SRP68: variants seen among roughly 807,000 people sequenced by gnomAD.
SRP68 encodes signal recognition particle 68.
A neutral mutation model predicts 82.2 loss-of-function variants in SRP68; 15 were observed. That is an observed-to-expected ratio of 0.18 (90% CI 0.12 to 0.28). The LOEUF is 0.28. SRP68 is among the 10% of genes least tolerant of loss of function. SRP68 has a pLI of 1.00. For synonymous variants in SRP68, 261 were observed against 292.6 expected (o/e 0.89, Z 1.10); for missense variants, 595 against 780.5 (o/e 0.76, Z 2.83).
At chr17:76,045,911 T>C in intron 11 of SRP68, 127 bp downstream of exon 11, 1 of 1,169,006 alleles carries the variant, frequency 8.6e-7, no homozygotes, top group Non-Finnish European at 1.2e-6. Context: ...AAGATCTTTG[T>C]CTCTTCCCAG....
rs2066840063 is a variant in SRP68, at chr17:76,070,236, AAAAC to A, written c.251+138_251+141del. Reference sequence around the variant, plus strand: ...AGACTCCATCTCAAAAAAAAAAAAAAAAACAAAGCAAACAAACAAACAAAAAAAA... The same window carrying A: ...AGACTCCATCTCAAAAAAAAAAAAAAAAAGCAAACAAACAAACAAAAAAAA... On this transcript the variant is annotated intron_variant, in intron 2 of 15. Transcript: ENST00000307877. 1.3e-5 allele frequency: 9 copies of A among 716,362 alleles called. No individual in the cohort carries two copies. In the South Asian group the frequency reaches 1.7e-4, roughly 13 times the overall value. The allele number at this position is 716,362 out of a possible 1,614,324, so 44.4% of individuals were successfully genotyped here.
chr17:76,060,400 A>G lies in SRP68; in HGVS notation c.755-10T>C. 1 of 1,606,752 alleles carries G rather than the reference A, an allele frequency of 6.2e-7. No individual in the cohort carries two copies. The stretch of plus-strand genomic sequence containing the variant: ...ATGGCTGACTGGTCCCCTAAGAGAG[A>G]AAGACAGGAAAATCTTCAAGGGTCT... On this transcript the variant is annotated splice_polypyrimidine_tract_variant and intron_variant, in intron 6 of 15. Coordinates refer to ENST00000307877, the MANE Select transcript of SRP68 (RefSeq NM_014230.4).
At chr17:76,042,005 T>C (rs879408691) in intron 13 of SRP68, among the ~76,000 whole-genome samples, 1 of 152,020 alleles carries the variant, frequency 6.6e-6, no homozygotes, top group Non-Finnish European at 1.5e-5. Flanking sequence ...TGCCTCAGCC[T>C]CCCGAGTAGC....
At chr17:76,069,454 C>G (rs575890918) in intron 2 of SRP68, among the ~76,000 whole-genome samples, 105 of 151,996 alleles carry the variant, frequency 6.9e-4, no homozygotes, top group Non-Finnish European at 1.2e-3. Context: ...TTGGCTCACA[C>G]CCGTAATCCC....
At chr17:76,042,944 G>A (rs1310462683) in intron 13 of SRP68, among the ~76,000 whole-genome samples, 1 of 152,090 alleles carries the variant, frequency 6.6e-6, no homozygotes, top group Non-Finnish European at 1.5e-5. Flanking sequence ...AAATGGCCTG[G>A]GGATCTTGTT....
rs527705424 is a variant in SRP68 at position 76,052,009 on chromosome 17, G to A, written c.979-1483C>T. 5.9e-3 allele frequency among the ~76,000 whole-genome samples: 906 copies of A among 152,304 alleles called. 7 individuals carry two copies. Among genetic ancestry groups the A allele is most frequent in the Non-Finnish European group, 8.5e-3 (576 of 68,026 alleles). On this transcript the variant is annotated intron_variant, in intron 8 of 15. Coordinates refer to ENST00000307877, the MANE Select transcript of SRP68 (RefSeq NM_014230.4). The stretch of plus-strand genomic sequence containing the variant: ...TGTAACCACCGCCTCCTGGGTTCAT[G>A]AGATTCTCCTGCCTCAGCCTCCGGA...
Position 76,059,339 on chromosome 17 carries a change from T to C in SRP68, c.837+969A>G, listed in dbSNP as rs989123964. 2.6e-5 allele frequency among the ~76,000 whole-genome samples: 4 copies of C among 152,028 alleles called. 1 individual carries two copies. Among genetic ancestry groups the C allele is most frequent in the Non-Finnish European group, 1.5e-5 (1 of 67,982 alleles). On this transcript the variant is annotated intron_variant, in intron 7 of 15. Coordinates refer to ENST00000307877, the MANE Select transcript of SRP68 (RefSeq NM_014230.4). ...GCAGGTGGATCACGAGGTTAGGAGATTGAGACTATCCTGGCCAACATGGTG... is the reference window on the plus strand; with the variant it reads ...GCAGGTGGATCACGAGGTTAGGAGACTGAGACTATCCTGGCCAACATGGTG...
intron 3 of SRP68, among the ~76,000 whole-genome samples, chr17:76,065,361 CAGG>C (rs769805473): frequency 4.0e-4 from 58 of 144,502 alleles, no homozygotes; most frequent in Non-Finnish European, 7.7e-4. Context: ...GAGGGTGAGA[CAGG>C]AGTTGTTCAA....
chr17:76,066,455 A>C (rs2066807197), intron 3 of SRP68, among the ~76,000 whole-genome samples: 1 of 103,318 alleles, frequency 9.7e-6, no homozygotes, highest in Non-Finnish European at 1.7e-5. Flanking sequence ...GTCTCAAAAA[A>C]AAAAAAAAAC....
At position 76,067,318 on chromosome 17, in the gene SRP68, G is replaced by C. The variant is rs748641007; in HGVS notation, c.264C>G (p.Ser88=). The C allele has an allele frequency of 1.4e-5, 23 of 1,612,632 alleles. No homozygotes were observed. The highest frequency in any genetic ancestry group is 1.1e-4 in the African/African-American group (8 of 74,814). The part of the protein sequence containing the change: ...GDFQRYRGYC[S]RRQRRLRKTL... ...TTTTTCGAAGACGTCTTTGTCTACG[G>C]GAACAGTAGCCCCTGTAAGAAACCA... Residue 88 remains serine (S), a synonymous_variant, in exon 3 of 16, where the codon TCC becomes TCG. Transcript: ENST00000307877.
intron 3 of SRP68, 37 bp from the exon 4 acceptor site, chr17:76,064,208 C>T (rs777120638): frequency 6.4e-7 from 1 of 1,573,462 alleles, no homozygotes; most frequent in Admixed American, 1.7e-5. Context: ...CAATAAAGGC[C>T]ATCAACAGAC....
At chr17:76,062,322 G>A (rs916433234) in intron 4 of SRP68, among the ~76,000 whole-genome samples, 1 of 147,494 alleles carries the variant, frequency 6.8e-6, no homozygotes, top group African/African-American at 2.5e-5. Context: ...CAGGTGTGGT[G>A]GTGTGCACCT....
chr17:76,068,303 A>T (rs1404326111), intron 2 of SRP68, among the ~76,000 whole-genome samples: 2 of 152,018 alleles, frequency 1.3e-5, no homozygotes, highest in African/African-American at 4.8e-5. Flanking sequence ...GAAAAAAAAA[A>T]AAATTAGCCA....
chr17:76,060,347 C>A lies in SRP68; in HGVS notation c.798G>T (p.Arg266Ser). Residue 266 changes from arginine to serine, a missense_variant, in exon 7 of 16, where the codon AGG becomes AGT. By Grantham distance (110) the Arg-to-Ser change is moderately radical (BLOSUM62 -1). This residue lies in a region of SRP68 where 495 missense variants were observed against 688.6 expected (regional missense o/e 0.72). Coordinates refer to ENST00000307877, the MANE Select transcript of SRP68 (RefSeq NM_014230.4). ...AINELMQMRL[R>S]SGGTEGLLAE... is the part of the protein sequence containing the mutation. ...CCAAGAGACCCTCAGTGCCCCCAGA[C>A]CTCAATCTCATCTGCATGAGTTCAT... 6.2e-7 allele frequency: 1 copy of A among 1,611,822 alleles called. No homozygotes were observed. Among genetic ancestry groups the A allele is most frequent in the Non-Finnish European group, 8.5e-7 (1 of 1,179,658 alleles).
intron 4 of SRP68, among the ~76,000 whole-genome samples, chr17:76,063,516 T>C (rs2066784802): frequency 6.6e-6 from 1 of 151,940 alleles, no homozygotes; most frequent in South Asian, 2.1e-4. Flanking sequence ...AGTGAAACCC[T>C]GTCTCTACTA....
intron 12 of SRP68, 166 bp downstream of exon 12, chr17:76,045,126 C>G (rs1355415002): frequency 6.4e-5 from 38 of 597,592 alleles, no homozygotes; most frequent in Non-Finnish European, 9.5e-5. Flanking sequence ...TGACCACAGC[C>G]TTTAGAAACT....
rs151318558 is a variant in SRP68, at chr17:76,067,224, C to T, written c.358G>A (p.Asp120Asn). 1.7e-3 allele frequency: 2,801 copies of T among 1,611,946 alleles called. 1 individual carries two copies. Among genetic ancestry groups the T allele is most frequent in the Non-Finnish European group, 2.3e-3 (2,673 of 1,178,248 alleles). Residue 120 changes from aspartate (D) to asparagine (N), a missense_variant, in exon 3 of 16, where the codon GAT (aspartate) becomes AAT (asparagine). Physicochemically the swap from Asp to Asn is conservative, Grantham distance 23. This residue lies in a region of SRP68 where 495 missense variants were observed against 688.6 expected (regional missense o/e 0.72). Transcript: ENST00000307877. ...GKKVTEELLT[D>N]NRYLLLVLMD... ...GCATGGAGCAGTCAATACCTATTAT[C>T]GGTCAGAAGCTCTTCAGTCACTTTC...
intron 1 of SRP68, 148 bp from the exon 2 acceptor site, chr17:76,070,592 G>T: frequency 2.8e-6 from 2 of 719,352 alleles, no homozygotes; most frequent in Non-Finnish European, 4.8e-6. Flanking sequence ...TGTAATCCCA[G>T]CACTGTGGGA....
In SRP68 at chr17:76,072,244, C is replaced by G; in HGVS notation, c.184+64G>C. The G allele has an allele frequency of 6.3e-7, 1 of 1,599,884 alleles. No individual in the cohort carries two copies. Among genetic ancestry groups the G allele is most frequent in the Non-Finnish European group, 8.5e-7 (1 of 1,176,052 alleles). On this transcript the variant is annotated intron_variant, in intron 1 of 15. Coordinates refer to ENST00000307877, the MANE Select transcript of SRP68 (RefSeq NM_014230.4). This position sits in a 1 kb window ranked among gnomAD's most constrained non-coding sequence, Gnocchi z 4.5. ...GACTTGTCGGGACCCGCCGCCTCTC[C>G]CGCCCCCAGCCCTCCAGTTCGACAC...
Sources: gnomAD v4.1 joint callset for allele counts (sites outside exome capture counted in the v4.1 genomes callset) on GRCh38, gnomAD v4.1.1 for gene constraint, gnomAD v4.1.1 regional missense constraint, Gnocchi (gnomAD v3.1) non-coding constraint, MANE v1.5 for transcripts, NCBI Gene and HGNC (gene_info 2026-07-23, HGNC 2026-07-21) for gene names.